Variants in TBC1D19 observed in about 807,000 individuals in gnomAD.
The protein encoded by TBC1D19 is TBC1 domain family member 19, also known as TBC1 domain family, member 19.
TBC1D19 carries 60 observed loss-of-function variants against 89.0 expected under a neutral mutation model. The observed-to-expected ratio is 0.67, with a 90% CI of 0.55 to 0.84. The LOEUF is 0.84. Ranked by LOEUF, TBC1D19 falls within the 40% of genes least tolerant of loss-of-function variation. TBC1D19 has a pLI of 0.00. For missense variants in TBC1D19, 500 were observed against 610.8 expected (o/e 0.82, Z 1.91); for synonymous variants, 189 against 199.7 (o/e 0.95, Z 0.45).
At chr4:26,826,440 G>A in the TBC1D19 span, among the ~76,000 whole-genome samples, 7 of 151,532 alleles carry the variant, frequency 4.6e-5, no homozygotes, top group Admixed American at 4.6e-4. Context: ...CTCATAGTAG[G>A]TGAACATTAT....
chr4:26,798,889 GA>G, the TBC1D19 span, among the ~76,000 whole-genome samples: 11 of 152,042 alleles, frequency 7.2e-5, no homozygotes, highest in Non-Finnish European at 1.3e-4. Context: ...GGAGAGGGTA[GA>G]AGGGGGGATG....
At chr4:26,723,295 A>G (rs1717091775) in intron 15 of TBC1D19, among the ~76,000 whole-genome samples, 2 of 152,012 alleles carry the variant, frequency 1.3e-5, no homozygotes, top group Admixed American at 1.3e-4. Context: ...GGCAATACTT[A>G]GCAGCATTTT....
downstream of TBC1D19, among the ~76,000 whole-genome samples, chr4:26,756,860 G>T (rs994427258): frequency 1.2e-4 from 19 of 152,162 alleles, no homozygotes; most frequent in African/African-American, 4.3e-4. Flanking sequence ...ATTTGAAACA[G>T]GTGGCTCTAG....
intron 1 of TBC1D19, among the ~76,000 whole-genome samples, chr4:26,589,254 G>A (rs534249516): frequency 6.6e-6 from 1 of 152,130 alleles, no homozygotes; most frequent in East Asian, 1.9e-4. Flanking sequence ...CAACCTAGGG[G>A]ACAGAGCGAG....
intron 1 of TBC1D19, among the ~76,000 whole-genome samples, chr4:26,588,746 G>A (rs1739586069): frequency 6.6e-6 from 1 of 152,112 alleles, no homozygotes; most frequent in Non-Finnish European, 1.5e-5. Flanking sequence ...TTATGGTCAA[G>A]AATAAAATAT....
intron 1 of TBC1D19, among the ~76,000 whole-genome samples, chr4:26,589,017 G>A (rs1739602291): frequency 6.6e-6 from 1 of 152,072 alleles, no homozygotes; most frequent in Admixed American, 6.5e-5. Context: ...AGATTCCTTT[G>A]AAACTAGAGG....
the TBC1D19 span, among the ~76,000 whole-genome samples, chr4:26,805,844 A>G: frequency 2.2e-4 from 34 of 152,144 alleles, no homozygotes; most frequent in Non-Finnish European, 3.5e-4. Flanking sequence ...AAAAATACAA[A>G]AATTAAATTA....
chr4:26,800,622 A>G, the TBC1D19 span, among the ~76,000 whole-genome samples: 1 of 152,200 alleles, frequency 6.6e-6, no homozygotes, highest in Non-Finnish European at 1.5e-5. Flanking sequence ...AGTCCCACCA[A>G]CAGTGTAAAA....
chr4:26,797,271 T>C, the TBC1D19 span, among the ~76,000 whole-genome samples: 1 of 151,412 alleles, frequency 6.6e-6, no homozygotes, highest in Non-Finnish European at 1.5e-5. Flanking sequence ...AATAACTCAA[T>C]CCAAAAAAAA....
At chr4:26,816,070 T>C in the TBC1D19 span, among the ~76,000 whole-genome samples, 21 of 152,212 alleles carry the variant, frequency 1.4e-4, no homozygotes, top group African/African-American at 5.1e-4. Flanking sequence ...CCTATAAGGC[T>C]TTGTGAATCA....
At chr4:26,805,193 A>C in the TBC1D19 span, among the ~76,000 whole-genome samples, 1 of 152,188 alleles carries the variant, frequency 6.6e-6, no homozygotes, top group African/African-American at 2.4e-5. Context: ...AAAGTCCATA[A>C]AGGAAGTGCT....
chr4:26,848,495 T>C, the TBC1D19 span, among the ~76,000 whole-genome samples: 1 of 152,256 alleles, frequency 6.6e-6, no homozygotes, highest in Non-Finnish European at 1.5e-5. Context: ...GATTCTTCTT[T>C]TTTATTCTTC....
At position 26,754,858 on chromosome 4, in the gene TBC1D19, T is replaced by C. The variant is rs1438251133; in HGVS notation, c.1507-15T>C. The C allele has an allele frequency of 6.3e-7, 1 of 1,577,386 alleles. No homozygotes were observed. The highest frequency in any genetic ancestry group is 1.4e-5 in the African/African-American group (1 of 72,714). ...TCGCTTTGCTATTAATAATTCTTTT[T>C]ATTTTTTGTTTCAGGCAGTTCTTGC... On this transcript the variant is annotated splice_polypyrimidine_tract_variant and intron_variant, in intron 20 of 20. Coordinates refer to ENST00000264866, the MANE Select transcript of TBC1D19 (RefSeq NM_018317.4).
the TBC1D19 span, among the ~76,000 whole-genome samples, chr4:26,815,559 G>T: frequency 2.0e-5 from 3 of 152,140 alleles, no homozygotes; most frequent in Non-Finnish European, 4.4e-5. Flanking sequence ...CCCTTACCAG[G>T]CTGGTGCCAA....
At chr4:26,852,457 T>G in the TBC1D19 span, among the ~76,000 whole-genome samples, 2 of 152,100 alleles carry the variant, frequency 1.3e-5, no homozygotes, top group African/African-American at 4.8e-5. Flanking sequence ...CTTAGGAGGC[T>G]AAGATGGGAG....
In TBC1D19 at chr4:26,614,398, TA is replaced by T; in HGVS notation, c.173-4del. The T allele has an allele frequency of 1.3e-6, 2 of 1,575,472 alleles. No individual in the cohort carries two copies. Among genetic ancestry groups the T allele is most frequent in the Non-Finnish European group, 8.6e-7 (1 of 1,159,242 alleles). ...ATGTTCATATATTTTATTCTTTTTT[TA>T]AAAAACAGGTTGGGAGAAGAAACTT... is the stretch of plus-strand genomic sequence containing the variant. On this transcript the variant is annotated splice_polypyrimidine_tract_variant and intron_variant, in intron 2 of 20. Coordinates refer to ENST00000264866, the MANE Select transcript of TBC1D19 (RefSeq NM_018317.4).
intron 10 of TBC1D19, among the ~76,000 whole-genome samples, chr4:26,673,446 T>TATACACACACACACACACAC (rs373807642): frequency 1.1e-3 from 98 of 90,864 alleles, no homozygotes; most frequent in African/African-American, 3.8e-3. Context: ...TATATATATA[T>TATACACACACACACACACAC]ACACACACAC....
At chr4:26,650,502 A>G (rs1262326245) in intron 7 of TBC1D19, among the ~76,000 whole-genome samples, 2 of 152,112 alleles carry the variant, frequency 1.3e-5, no homozygotes, top group Admixed American at 1.3e-4. Context: ...TTGGCTGTAT[A>G]AATGTCTTCT....
intron 1 of TBC1D19, among the ~76,000 whole-genome samples, chr4:26,601,909 T>G (rs1198587557): frequency 2.0e-5 from 3 of 152,370 alleles, no homozygotes; most frequent in African/African-American, 7.2e-5. Context: ...CCAGTTTCTT[T>G]AATTAGAATT....
Sources: allele counts gnomAD v4.1 joint callset (sites outside exome capture counted in the v4.1 genomes callset), GRCh38; gene constraint gnomAD v4.1.1; transcripts MANE v1.5; gene names NCBI Gene and HGNC (gene_info 2026-07-23, HGNC 2026-07-21).